Variants in ALDH1A3 observed in about 807,000 individuals in gnomAD.
ALDH1A3 encodes retinaldehyde dehydrogenase 3.
ALDH1A3 carries 28 observed loss-of-function variants against 57.5 expected under a neutral mutation model. That is an observed-to-expected ratio of 0.49 (90% confidence interval 0.36 to 0.67). ALDH1A3 has a LOEUF of 0.67. Ranked by LOEUF, ALDH1A3 falls within the 30% of genes least tolerant of loss-of-function variation. The pLI, the probability that ALDH1A3 is intolerant of heterozygous loss-of-function variation, is 0.00. For synonymous variants in ALDH1A3, 281 were observed against 264.8 expected, an observed-to-expected ratio of 1.06 and a Z score of -0.59; for missense variants, 507 against 669.4, an observed-to-expected ratio of 0.76 and a Z score of 2.68.
At chr15:100,897,794 G>A (rs1198647375) in intron 7 of ALDH1A3, among the ~76,000 whole-genome samples, 2 of 152,276 alleles carry the variant, frequency 1.3e-5, no homozygotes, top group African/African-American at 4.8e-5. Context: ...AGGTTAGCGG[G>A]TGGCAGCCCT....
chr15:100,881,826 G>T lies in ALDH1A3; in HGVS notation c.99+1820G>T, dbSNP rs1244156450. Among the ~76,000 whole-genome samples the T allele has an allele frequency of 1.3e-5, 2 of 152,234 alleles. 1 individual carries two copies. Among genetic ancestry groups the T allele is most frequent in the Middle Eastern group, 6.3e-3 (2 of 316 alleles). On this transcript the variant is annotated intron_variant, in intron 1 of 12. Coordinates refer to ENST00000329841, the MANE Select transcript of ALDH1A3 (RefSeq NM_000693.4). Reference sequence around the variant, plus strand: ...TCCTCACCCGTTGGGGGACTGTGCTGCTGCCTGCTCTGTCCTGGCTCCTGG... The same window carrying T: ...TCCTCACCCGTTGGGGGACTGTGCTTCTGCCTGCTCTGTCCTGGCTCCTGG...
At chr15:100,898,329 ACAGT>A (rs2041731159) in intron 8 of ALDH1A3, 144 bp downstream of exon 8, 6 of 640,204 alleles carry the variant, frequency 9.4e-6, no homozygotes, top group Non-Finnish European at 1.5e-5. Context: ...CATCCTGCCC[ACAGT>A]CAGCCAGCCG....
Position 100,887,585 on chromosome 15 carries a change from A to T in ALDH1A3, c.218A>T (p.Lys73Met). Residue 73 changes from lysine to methionine, a missense_variant, in exon 3 of 13, where the codon AAG becomes ATG. Physicochemically the swap from Lys to Met is moderately conservative, Grantham distance 95. This residue lies in a region of ALDH1A3 where 432 missense variants were observed against 608.4 expected (regional missense o/e 0.71). Coordinates refer to ENST00000329841, the MANE Select transcript of ALDH1A3 (RefSeq NM_000693.4). The surrounding 1 kb of genome is among the most constrained non-coding windows in gnomAD (Gnocchi z 4.6). ...CTGGTCGCTCAGCCCGACGTGGACA[A>T]GGCTGTGGAGGCTGCACAGGTTGCC... ...VEEGDKPDVD[K>M]AVEAAQVAFQ... 6.2e-7 allele frequency: 1 copy of T among 1,604,770 alleles called. No individual in the cohort carries two copies.
rs762603642 is a variant in ALDH1A3 at position 100,892,979 on chromosome 15, C to T, written c.510C>T (p.Pro170=). 6.2e-7 allele frequency: 1 copy of T among 1,614,130 alleles called. No homozygotes were observed. The highest frequency in any genetic ancestry group is 8.5e-7 in the Non-Finnish European group (1 of 1,180,000). ...DNVVCFTRHE[P]IGVCGAITPW... The stretch of plus-strand genomic sequence containing the variant: ...TCGTGTGCTTCACCAGGCATGAGCC[C>T]ATTGGTGTCTGTGGGGCCATCACTC... The change falls in exon 5 of 13, where the codon CCC becomes CCT. Residue 170 remains proline, a synonymous_variant. Coordinates refer to ENST00000329841, the MANE Select transcript of ALDH1A3 (RefSeq NM_000693.4).
At chr15:100,896,958 G>C (rs954678711) in intron 7 of ALDH1A3, among the ~76,000 whole-genome samples, 3 of 152,222 alleles carry the variant, frequency 2.0e-5, no homozygotes, top group Admixed American at 2.0e-4. Context: ...CACCTATGGG[G>C]TGGGCTCGGG....
In ALDH1A3 at chr15:100,916,185, TACC is replaced by T. The variant is rs1048635289; in HGVS notation, c.*1415_*1417del. The T allele has an allele frequency of 3.9e-5, 6 of 152,200 alleles. No individual in the cohort carries two copies. The highest frequency in any genetic ancestry group is 1.4e-4 in the African/African-American group (6 of 41,450). 9.4% of individuals were successfully genotyped at this position (152,200 alleles called of 1,614,324 possible). Reference sequence around the variant, plus strand: ...TATCACCCTTGTCAGAGATATAAATTACCACATTTGCCTTCCCTTCATCAGCTA... The same window carrying T: ...TATCACCCTTGTCAGAGATATAAATTACATTTGCCTTCCCTTCATCAGCTA... On this transcript the variant is annotated 3_prime_UTR_variant, in exon 13 of 13. Coordinates refer to ENST00000329841, the MANE Select transcript of ALDH1A3 (RefSeq NM_000693.4).
chr15:100,907,744 T>C (rs999596633), intron 11 of ALDH1A3, among the ~76,000 whole-genome samples: 1 of 152,032 alleles, frequency 6.6e-6, no homozygotes, highest in African/African-American at 2.4e-5. Flanking sequence ...CCCAGAATCA[T>C]ATAACCAGGA....
Position 100,889,645 on chromosome 15 carries a change from C to A in ALDH1A3, c.345+1933C>A, listed in dbSNP as rs1024128033. Among the ~76,000 whole-genome samples the A allele has an allele frequency of 6.6e-6, 1 of 152,250 alleles. No individual in the cohort carries two copies. Among genetic ancestry groups the A allele is most frequent in the Non-Finnish European group, 1.5e-5 (1 of 68,046 alleles). On this transcript the variant is annotated intron_variant, in intron 3 of 12. Coordinates refer to ENST00000329841, the MANE Select transcript of ALDH1A3 (RefSeq NM_000693.4). The surrounding 1 kb of genome is among the most constrained non-coding windows in gnomAD (Gnocchi z 5.1). ...GCCCTGGGCACCCCCCGCCCTGAAC[C>A]CTGTCCTTAAGTGTCAGTATCATCT...
intron 1 of ALDH1A3, chr15:100,880,811 G>C (rs960662956): frequency 7.2e-5 from 11 of 152,400 alleles, no homozygotes; most frequent in African/African-American, 2.6e-4. Flanking sequence ...AAAGAAGATG[G>C]TGAGGCCTCC....
chr15:100,908,571 A>G (rs934569936), intron 12 of ALDH1A3, 89 bp downstream of exon 12: 2 of 1,227,908 alleles, frequency 1.6e-6, no homozygotes, highest in East Asian at 4.7e-5. Flanking sequence ...CAATCTGCTG[A>G]CACCCCGTCC....
chr15:100,902,122 C>T (rs1353363480), intron 9 of ALDH1A3, among the ~76,000 whole-genome samples: 1 of 152,222 alleles, frequency 6.6e-6, no homozygotes, highest in Non-Finnish European at 1.5e-5. Context: ...GTGAACTGAT[C>T]CCCATACAGA....
At chr15:100,882,526 A>G (rs1352738543) in intron 1 of ALDH1A3, among the ~76,000 whole-genome samples, 1 of 152,242 alleles carries the variant, frequency 6.6e-6, no homozygotes, top group Non-Finnish European at 1.5e-5. Context: ...TTTTGAGTTT[A>G]GCTGAGTGGC....
rs1031758366 is a variant in ALDH1A3 at position 100,889,806 on chromosome 15, G to A, written c.345+2094G>A. ...AAATCACTTCTGCCACTGGCACCTC[G>A]CAGCCCACGAGAAATAAGATCCAGC... On this transcript the variant is annotated intron_variant, in intron 3 of 12. Transcript: ENST00000329841. This position sits in a 1 kb window ranked among gnomAD's most constrained non-coding sequence, Gnocchi z 5.1. Among the ~76,000 whole-genome samples, 8 of 152,204 alleles carry A rather than the reference G, an allele frequency of 5.3e-5. No individual in the cohort carries two copies. Among genetic ancestry groups the A allele is most frequent in the East Asian group, 1.9e-4 (1 of 5,202 alleles).
In ALDH1A3 at chr15:100,887,603, A is replaced by G; in HGVS notation, c.236A>G (p.Gln79Arg). 6.2e-7 allele frequency: 1 copy of G among 1,610,820 alleles called. No individual in the cohort carries two copies. Among genetic ancestry groups the G allele is most frequent in the South Asian group, 1.1e-5 (1 of 90,428 alleles). The change falls in exon 3 of 13, where the codon CAG (glutamine) becomes CGG (arginine). Residue 79 changes from glutamine to arginine, a missense_variant. Coordinates refer to ENST00000329841, the MANE Select transcript of ALDH1A3 (RefSeq NM_000693.4). The surrounding 1 kb of genome is among the most constrained non-coding windows in gnomAD (Gnocchi z 4.6). ...PDVDKAVEAA[Q>R]VAFQRGSPWR... ...GTGGACAAGGCTGTGGAGGCTGCAC[A>G]GGTTGCCTTCCAGAGGGGCTCGCCA...
rs112925162 is a variant in ALDH1A3 at position 100,906,910 on chromosome 15, AT to A, written c.1234-206del. Among the ~76,000 whole-genome samples the A allele has an allele frequency of 1.4e-3, 215 of 152,248 alleles. No homozygotes were observed. Among genetic ancestry groups the A allele is most frequent in the African/African-American group, 5.0e-3 (208 of 41,546 alleles). ...CATATATTTTTTGTTATTATTTTTT[AT>A]TTTTGTTTCATGTTAATCCTTCCCT... On this transcript the variant is annotated intron_variant, in intron 10 of 12. Transcript: ENST00000329841. This position sits in a 1 kb window ranked among gnomAD's most constrained non-coding sequence, Gnocchi z 4.8.
At chr15:100,912,648 CA>C (rs1446856161) in intron 12 of ALDH1A3, among the ~76,000 whole-genome samples, 1 of 152,194 alleles carries the variant, frequency 6.6e-6, no homozygotes. Context: ...CTAAAAATCT[CA>C]ATGGCACCTA....
At position 100,900,596 on chromosome 15, in the gene ALDH1A3, C is replaced by T. The variant is rs1017160707; in HGVS notation, c.905C>T (p.Ala302Val). The T allele has an allele frequency of 6.3e-7, 1 of 1,596,552 alleles. No individual in the cohort carries two copies. Residue 302 changes from alanine (A) to valine (V), a missense_variant, in exon 9 of 13, where the codon GCC (alanine) becomes GTC (valine). Transcript: ENST00000329841. ...DADLDLAVECAHQGVFFNQGQ... is the reference protein window; with the variant it reads ...DADLDLAVECVHQGVFFNQGQ... ...CCAGTGGACTTGGCAGTGGAGTGTG[C>T]CCATCAGGGAGTGTTCTTCAACCAA...
intron 9 of ALDH1A3, among the ~76,000 whole-genome samples, chr15:100,902,350 T>G (rs989244257): frequency 6.6e-6 from 1 of 152,250 alleles, no homozygotes; most frequent in African/African-American, 2.4e-5. Context: ...CTCAGCATAT[T>G]ATTTTAGAAT....
At chr15:100,898,321 T>G in intron 8 of ALDH1A3, 136 bp downstream of exon 8, 4 of 683,464 alleles carry the variant, frequency 5.9e-6, no homozygotes, top group Non-Finnish European at 9.4e-6. Context: ...ACCGTGGGCA[T>G]CCTGCCCACA....
Sources: gnomAD v4.1 joint callset for allele counts (sites outside exome capture counted in the v4.1 genomes callset) on GRCh38, gnomAD v4.1.1 for gene constraint, gnomAD v4.1.1 regional missense constraint, Gnocchi (gnomAD v3.1) non-coding constraint, MANE v1.5 for transcripts, NCBI Gene and HGNC (gene_info 2026-07-23, HGNC 2026-07-21) for gene names.